Variants in MR1 observed in about 807,000 individuals in gnomAD.
The protein encoded by MR1 is major histocompatibility complex, class I-related.
Under a neutral mutation model 37.8 loss-of-function variants are expected in MR1, and 44 were observed. The observed-to-expected ratio is 1.16, with a 90% confidence interval of 0.91 to 1.50. MR1 has a LOEUF of 1.50. Among genes scored for constraint, MR1 ranks in the 40% most tolerant of loss-of-function variants. The pLI, the probability that MR1 is intolerant of heterozygous loss-of-function variation, is 0.00. For synonymous variants in MR1, 153 were observed against 155.8 expected (o/e 0.98, Z 0.13); for missense variants, 386 against 419.1 (o/e 0.92, Z 0.69).
intron 1 of MR1, among the ~76,000 whole-genome samples, chr1:181,046,150 C>A (rs986402955): frequency 1.3e-5 from 2 of 152,228 alleles, no homozygotes; most frequent in Non-Finnish European, 2.9e-5. Flanking sequence ...CGAGCCTCCC[C>A]GATGAGCGCC....
At chr1:181,044,776 A>T (rs895918326) in intron 1 of MR1, among the ~76,000 whole-genome samples, 19 of 152,348 alleles carry the variant, frequency 1.2e-4, no homozygotes, top group African/African-American at 4.3e-4. Flanking sequence ...TGGGAGGATC[A>T]CTTAAGCCCA....
At chr1:181,048,741 GTCT>G (rs1224854491) in intron 1 of MR1, among the ~76,000 whole-genome samples, 1 of 152,120 alleles carries the variant, frequency 6.6e-6, no homozygotes, top group Admixed American at 6.6e-5. Context: ...CCAATGAGTG[GTCT>G]TCTCCCTTCC....
In MR1 at chr1:181,061,001, A is replaced by G. The variant is rs1658876575; in HGVS notation, c.*5736A>G. Reference sequence around the variant, plus strand: ...AGCCCCAAACTGTGGCTTCAGGGGAATGCACCAAGGCTCTCATTGAGGCCA... The same window carrying G: ...AGCCCCAAACTGTGGCTTCAGGGGAGTGCACCAAGGCTCTCATTGAGGCCA... On this transcript the variant is annotated 3_prime_UTR_variant, in exon 6 of 6. Transcript: ENST00000367580. 1 of 152,270 alleles carries G rather than the reference A, an allele frequency of 6.6e-6. No individual in the cohort carries two copies. The highest frequency in any genetic ancestry group is 6.5e-5 in the Admixed American group (1 of 15,274). The allele number at this position is 152,270 out of a possible 1,614,324, so 9.4% of individuals were successfully genotyped here. A position where few individuals can be genotyped will look rare whatever the true frequency, so the allele number is the denominator to read the frequency against.
chr1:181,045,120 G>C (rs1657780268), intron 1 of MR1, among the ~76,000 whole-genome samples: 1 of 152,162 alleles, frequency 6.6e-6, no homozygotes, highest in Non-Finnish European at 1.5e-5. Context: ...TCTGGTATGT[G>C]AGCCTCCATC....
Position 181,034,293 on chromosome 1 carries a change from G to A in MR1, c.67+219G>A, listed in dbSNP as rs115350091. On this transcript the variant is annotated intron_variant, in intron 1 of 5. Coordinates refer to ENST00000367580, the MANE Select transcript of MR1 (RefSeq NM_001385161.1). The stretch of plus-strand genomic sequence containing the variant: ...ACCACCTTCTGAGGGAGGGGGAGCC[G>A]TTCTAGAAAGACTCTGGAACTTCCT... Among the ~76,000 whole-genome samples, 967 of 152,282 alleles carry A rather than the reference G, an allele frequency of 6.4e-3. 11 individuals carry two copies. The highest frequency in any genetic ancestry group is 8.2e-3 in the Non-Finnish European group (560 of 68,018).
chr1:181,045,539 C>T (rs904632630), intron 1 of MR1, among the ~76,000 whole-genome samples: 10 of 152,088 alleles, frequency 6.6e-5, no homozygotes, highest in Non-Finnish European at 1.5e-4. Flanking sequence ...TCCTGCATCC[C>T]CTCCCAGCCC....
intron 4 of MR1, 112 bp from the exon 5 acceptor site, chr1:181,053,461 A>G (rs1319950440): frequency 5.6e-6 from 4 of 716,408 alleles, no homozygotes; most frequent in African/African-American, 5.3e-5. Context: ...GAGAAGCAAC[A>G]GTAAGGAAAA....
chr1:181,045,876 G>A (rs1230575799), intron 1 of MR1, among the ~76,000 whole-genome samples: 2 of 152,230 alleles, frequency 1.3e-5, no homozygotes, highest in African/African-American at 4.8e-5. Flanking sequence ...CGGCGCTTGC[G>A]GGCCAGCTGG....
intron 1 of MR1, among the ~76,000 whole-genome samples, chr1:181,046,117 C>G (rs755872704): frequency 4.9e-4 from 74 of 152,344 alleles, no homozygotes; most frequent in Middle Eastern, 3.4e-3. Context: ...CCTCCCACCC[C>G]CTCCATGGGC....
Position 181,050,154 on chromosome 1 carries a change from GCT to G in MR1, c.474_475del (p.Thr160HisfsTer11), listed in dbSNP as rs1658221128. 1 of 1,614,122 alleles carries G rather than the reference GCT, an allele frequency of 6.2e-7. No individual in the cohort carries two copies. The highest frequency in any genetic ancestry group is 8.5e-7 in the Non-Finnish European group (1 of 1,180,054). On this transcript the variant is annotated frameshift_variant, in exon 3 of 6. Coordinates refer to ENST00000367580, the MANE Select transcript of MR1 (RefSeq NM_001385161.1). LOFTEE classifies it high-confidence loss of function. ...CTCCTGGCTGGCTGTAGATAATGTG[GCT>G]CACACCATCAAGCAGGCATGGGAGG... ...TLSWLAVDNV[A>X]HTIKQAWEAN...
chr1:181,034,152 T>G, intron 1 of MR1, 78 bp downstream of exon 1: 1 of 1,439,984 alleles, frequency 6.9e-7, no homozygotes, highest in Non-Finnish European at 9.5e-7. Flanking sequence ...TTCCTAAAAC[T>G]TGTGGTGAAA....
intron 1 of MR1, among the ~76,000 whole-genome samples, chr1:181,035,333 T>C (rs554322499): frequency 7.3e-4 from 110 of 151,352 alleles, no homozygotes; most frequent in African/African-American, 2.7e-3. Flanking sequence ...TGAGACTCCA[T>C]CTCAAAAAAA....
intron 2 of MR1, chr1:181,049,593 C>T (rs2102393858): frequency 1.9e-6 from 1 of 530,008 alleles, no homozygotes; most frequent in Middle Eastern, 5.0e-4. Flanking sequence ...ATATGCATCT[C>T]CTTTTCCATT....
chr1:181,034,857 C>T (rs967711987), intron 1 of MR1, among the ~76,000 whole-genome samples: 3 of 151,936 alleles, frequency 2.0e-5, no homozygotes, highest in Admixed American at 6.6e-5. Context: ...TTTGGAAGGG[C>T]GAGGGGGGTG....
chr1:181,043,391 C>T (rs986861304), intron 1 of MR1, among the ~76,000 whole-genome samples: 1 of 152,242 alleles, frequency 6.6e-6, no homozygotes, highest in African/African-American at 2.4e-5. Flanking sequence ...CAAACTGCTA[C>T]ACCCCAGCTC....
chr1:181,043,903 T>C (rs1046862684), intron 1 of MR1, among the ~76,000 whole-genome samples: 1 of 151,510 alleles, frequency 6.6e-6, no homozygotes, highest in Non-Finnish European at 1.5e-5. Flanking sequence ...ATAAACAAAC[T>C]TGTAGCACAG....
chr1:181,046,138 C>T (rs1236670713), intron 1 of MR1, among the ~76,000 whole-genome samples: 1 of 152,216 alleles, frequency 6.6e-6, no homozygotes. Flanking sequence ...CTCTGTGCGG[C>T]CCGAGCCTCC....
At chr1:181,047,421 A>G (rs941647880) in intron 1 of MR1, among the ~76,000 whole-genome samples, 6 of 152,088 alleles carry the variant, frequency 3.9e-5, no homozygotes, top group Admixed American at 3.9e-4. Flanking sequence ...TAACATGGCA[A>G]AACCCTGTTT....
At chr1:181,053,043 C>G (rs146703369) in intron 4 of MR1, among the ~76,000 whole-genome samples, 6 of 151,786 alleles carry the variant, frequency 4.0e-5, no homozygotes, top group African/African-American at 1.4e-4. Flanking sequence ...CCAGCCTGTG[C>G]GAAGGGAGCA....
Sources: allele counts gnomAD v4.1 joint callset (sites outside exome capture counted in the v4.1 genomes callset), GRCh38; gene constraint gnomAD v4.1.1; transcripts MANE v1.5; gene names NCBI Gene and HGNC (gene_info 2026-07-23, HGNC 2026-07-21).